Variants in CADPS2 observed in about 807,000 individuals in gnomAD.
CADPS2 encodes the protein calcium-dependent secretion activator 2.
CADPS2 carries 93 observed loss-of-function variants against 172.5 expected under a neutral mutation model. The observed-to-expected ratio is 0.54, with a 90% confidence interval of 0.46 to 0.64. The LOEUF is 0.64. Ranked by LOEUF, CADPS2 falls within the 30% of genes least tolerant of loss-of-function variation. The pLI is 0.00. For missense variants in CADPS2, 1,420 were observed against 1,565.9 expected (o/e 0.91, Z 1.57); for synonymous variants, 546 against 555.2 (o/e 0.98, Z 0.23).
At chr7:122,575,387 TTGAAG>T (rs1554635805) in intron 7 of CADPS2, among the ~76,000 whole-genome samples, 1 of 151,984 alleles carries the variant, frequency 6.6e-6, no homozygotes, top group Non-Finnish European at 1.5e-5. Flanking sequence ...AATGAAGAAA[TTGAAG>T]TGATGTAAGG....
chr7:122,763,250 A>T (rs938351921), intron 1 of CADPS2, among the ~76,000 whole-genome samples: 1 of 152,156 alleles, frequency 6.6e-6, no homozygotes, highest in African/African-American at 2.4e-5. Flanking sequence ...TAATATAAAT[A>T]ATGAATCATG....
At position 122,714,265 on chromosome 7, in the gene CADPS2, G is replaced by A. The variant is rs544679999; in HGVS notation, c.453+22690C>T. Among the ~76,000 whole-genome samples, 6 of 152,116 alleles carry A rather than the reference G, an allele frequency of 3.9e-5. No individual in the cohort carries two copies. The South Asian group carries it at 1.0e-3, about 26-fold the overall frequency. Reference sequence around the variant, plus strand: ...TTCCATAAAAATCGAGAAGCAAAACGACATGGTTAATCTGAAAATACATGT... The same window carrying A: ...TTCCATAAAAATCGAGAAGCAAAACAACATGGTTAATCTGAAAATACATGT... On this transcript the variant is annotated intron_variant, in intron 2 of 29. Coordinates refer to ENST00000449022, the MANE Select transcript of CADPS2 (RefSeq NM_017954.11).
At chr7:122,668,341 G>C (rs1348244455) in intron 2 of CADPS2, among the ~76,000 whole-genome samples, 1 of 151,710 alleles carries the variant, frequency 6.6e-6, no homozygotes, top group Non-Finnish European at 1.5e-5. Flanking sequence ...GTGAATGTTG[G>C]GAGAGTCATG....
At chr7:122,860,235 C>T (rs1211960228) in intron 1 of CADPS2, among the ~76,000 whole-genome samples, 2 of 151,906 alleles carry the variant, frequency 1.3e-5, no homozygotes, top group African/African-American at 4.8e-5. Context: ...CCTGACACAA[C>T]ATTTTTTTTT....
chr7:122,789,573 T>A (rs1333064660), intron 1 of CADPS2, among the ~76,000 whole-genome samples: 1 of 152,202 alleles, frequency 6.6e-6, no homozygotes, highest in Admixed American at 6.5e-5. Flanking sequence ...AATACAAATT[T>A]TCCCCCTACC....
intron 14 of CADPS2, among the ~76,000 whole-genome samples, chr7:122,468,925 T>C (rs73431590): frequency 0.038 from 5,712 of 152,246 alleles, 151 homozygotes; most frequent in African/African-American, 0.061. Flanking sequence ...GACACCTCAA[T>C]GCTGAATCAG....
chr7:122,644,506 C>T (rs1563944190), intron 3 of CADPS2, among the ~76,000 whole-genome samples: 1 of 152,110 alleles, frequency 6.6e-6, no homozygotes, highest in Non-Finnish European at 1.5e-5. Context: ...TCACCTTACC[C>T]TAATGATAGA....
At chr7:122,480,184 A>G (rs973653774) in intron 12 of CADPS2, 5 of 464,254 alleles carry the variant, frequency 1.1e-5, no homozygotes, top group Non-Finnish European at 2.3e-5. Context: ...ATATATCCAG[A>G]GAGTCAAAGA....
chr7:122,389,250 G>A (rs1003067999), intron 22 of CADPS2, among the ~76,000 whole-genome samples: 1 of 152,016 alleles, frequency 6.6e-6, no homozygotes, highest in African/African-American at 2.4e-5. Flanking sequence ...GACAGGAACT[G>A]GAAATAAAAC....
At chr7:122,428,175 T>G (rs1401953363) in intron 17 of CADPS2, among the ~76,000 whole-genome samples, 1 of 152,150 alleles carries the variant, frequency 6.6e-6, no homozygotes, top group East Asian at 1.9e-4. Flanking sequence ...TAAAATTACT[T>G]TCATAAATAA....
intron 2 of CADPS2, among the ~76,000 whole-genome samples, chr7:122,707,593 A>G (rs1008407579): frequency 3.3e-5 from 5 of 152,008 alleles, no homozygotes; most frequent in African/African-American, 7.2e-5. Flanking sequence ...TAGGAATTCA[A>G]AAAACATTTA....
intron 8 of CADPS2, among the ~76,000 whole-genome samples, chr7:122,530,487 A>C (rs941945487): frequency 3.3e-5 from 5 of 152,124 alleles, no homozygotes; most frequent in Non-Finnish European, 5.9e-5. Context: ...ACTGCATTTT[A>C]TCACCATCAT....
rs1035570793 is a variant in CADPS2 at position 122,624,801 on chromosome 7, C to G, written c.868-3084G>C. ...TTGATAGACATTCCCTGAGTGTCTG[C>G]TATGTGTTCTGCTCCAAGCCCCTGG... On this transcript the variant is annotated intron_variant, in intron 4 of 29. Transcript: ENST00000449022. 4.6e-5 allele frequency among the ~76,000 whole-genome samples: 7 copies of G among 152,256 alleles called. No individual in the cohort carries two copies. The East Asian group carries it at 1.4e-3, about 30-fold the overall frequency.
intron 9 of CADPS2, among the ~76,000 whole-genome samples, chr7:122,507,928 T>A (rs1260747575): frequency 6.6e-6 from 1 of 152,186 alleles, no homozygotes; most frequent in Non-Finnish European, 1.5e-5. Flanking sequence ...TTTAAGTATG[T>A]TCAAATATAA....
chr7:122,799,748 T>C (rs1423931922), intron 1 of CADPS2, among the ~76,000 whole-genome samples: 2 of 152,078 alleles, frequency 1.3e-5, no homozygotes, highest in Non-Finnish European at 2.9e-5. Flanking sequence ...CTGGCACTCA[T>C]ATTAGTCAAA....
At chr7:122,503,795 C>T (rs2059405050) in intron 9 of CADPS2, among the ~76,000 whole-genome samples, 1 of 151,930 alleles carries the variant, frequency 6.6e-6, no homozygotes, top group South Asian at 2.1e-4. Flanking sequence ...GCTTTGGGTA[C>T]ACAACAGTGC....
intron 8 of CADPS2, among the ~76,000 whole-genome samples, chr7:122,525,163 A>C (rs2061118557): frequency 6.6e-6 from 1 of 151,988 alleles, no homozygotes; most frequent in African/African-American, 2.4e-5. Context: ...TTCTTTAAAA[A>C]GTTTTCTTTA....
intron 25 of CADPS2, among the ~76,000 whole-genome samples, chr7:122,376,744 G>T (rs1046431289): frequency 3.9e-5 from 6 of 152,256 alleles, no homozygotes; most frequent in African/African-American, 1.2e-4. Flanking sequence ...AAGAGGGCTG[G>T]AGGAAACTTT....
chr7:122,645,528 G>GTA (rs778452167), intron 3 of CADPS2, among the ~76,000 whole-genome samples: 61,755 of 109,464 alleles, frequency 0.56, 17,927 homozygotes, highest in East Asian at 0.73. Flanking sequence ...ATATATATAA[G>GTA]TATATATATA....
Sources: allele counts gnomAD v4.1 joint callset (sites outside exome capture counted in the v4.1 genomes callset), GRCh38; gene constraint gnomAD v4.1.1; transcripts MANE v1.5; gene names NCBI Gene and HGNC (gene_info 2026-07-23, HGNC 2026-07-21).